The following MYO5B variants were observed in gnomAD, a reference collection of about 807,000 sequenced individuals.
MYO5B encodes myosin VB, also known as unconventional myosin-Vb.
In MYO5B, 143 loss-of-function variants were observed where a neutral mutation model predicts 229.3. That is an observed-to-expected ratio of 0.62 (90% CI 0.54 to 0.72). The LOEUF (loss-of-function observed/expected upper bound fraction) is 0.72, where lower values mean the gene tolerates loss of function less well. Ranked by LOEUF, MYO5B falls within the 30% of genes least tolerant of loss-of-function variation. The probability of loss-of-function intolerance (pLI) is 0.00; values close to 1 mark genes in which losing one functional copy is unlikely to be tolerated. For synonymous variants in MYO5B, 918 were observed against 885.2 expected, an observed-to-expected ratio of 1.04 and a Z score of -0.66; for missense variants, 2,321 against 2,331.0, an observed-to-expected ratio of 1.00 and a Z score of 0.09.
chr18:49,850,100 G>A (rs1270044990), intron 31 of MYO5B: 1 of 293,212 alleles, frequency 3.4e-6, no homozygotes, highest in Non-Finnish European at 6.6e-6. Context: ...GATTATCCAG[G>A]GCCCAGCGGC....
At chr18:50,140,253 A>C (rs12607904) in intron 1 of MYO5B, among the ~76,000 whole-genome samples, 52,941 of 152,112 alleles carry the variant, frequency 0.35, 9,839 homozygotes, top group Non-Finnish European at 0.43. Flanking sequence ...CCATTTTGGG[A>C]AAATGAATGA....
chr18:50,176,027 A>G (rs1421913172), intron 1 of MYO5B, among the ~76,000 whole-genome samples: 6 of 152,224 alleles, frequency 3.9e-5, no homozygotes, highest in Non-Finnish European at 7.3e-5. Flanking sequence ...TAAGTCCTGG[A>G]TCCCCAAGCC....
At chr18:50,101,214 C>T (rs929028072) in intron 1 of MYO5B, among the ~76,000 whole-genome samples, 2 of 152,110 alleles carry the variant, frequency 1.3e-5, no homozygotes, top group Non-Finnish European at 2.9e-5. Flanking sequence ...ATAATCATTC[C>T]GCAATGTATA....
chr18:49,951,562 AAC>A (rs1300880376), intron 14 of MYO5B, among the ~76,000 whole-genome samples: 2 of 152,222 alleles, frequency 1.3e-5, no homozygotes, highest in African/African-American at 4.8e-5. Flanking sequence ...GAGTGAATAT[AAC>A]AGAGTTTTCC....
At position 49,953,275 on chromosome 18, in the gene MYO5B, G is replaced by T. The variant is rs1369597474; in HGVS notation, c.1737C>A (p.Ile579=). ...CACTCTTTACCTTGCTGGCCTTCAG[G>T]ATATTGATCTGCTCTTCATACACCG... ...RDTVYEEQIN[I]LKASKFPLVA... is the part of the protein sequence containing the mutation. Residue 579 remains isoleucine (I), a synonymous_variant, in exon 14 of 40, where the codon ATC becomes ATA. Transcript: ENST00000285039. The T allele has an allele frequency of 6.2e-7, 1 of 1,614,046 alleles. No individual in the cohort carries two copies. The highest frequency in any genetic ancestry group is 1.1e-5 in the South Asian group (1 of 91,072).
At chr18:49,901,951 C>G (rs191665075) in intron 21 of MYO5B, among the ~76,000 whole-genome samples, 4 of 152,240 alleles carry the variant, frequency 2.6e-5, no homozygotes, top group Non-Finnish European at 5.9e-5. Flanking sequence ...ATACCCCACA[C>G]AGCAAGCCCT....
chr18:50,144,620 C>A (rs144296915), intron 1 of MYO5B, among the ~76,000 whole-genome samples: 3 of 152,136 alleles, frequency 2.0e-5, no homozygotes, highest in Non-Finnish European at 1.5e-5. Context: ...CCCCAAAAGA[C>A]CTTAGGGAAA....
chr18:49,947,357 G>A lies in MYO5B; in HGVS notation c.1752+5903C>T, dbSNP rs556356608. Among the ~76,000 whole-genome samples the A allele has an allele frequency of 5.1e-3, 773 of 151,928 alleles. 5 individuals carry two copies. The highest frequency in any genetic ancestry group is 0.013 in the South Asian group (63 of 4,802). ...CCTGACCTTGTGATCCGCCTGCCTT[G>A]GCCTCCCGAAGTGCTGGGATTACAG... On this transcript the variant is annotated intron_variant, in intron 14 of 39. Coordinates refer to ENST00000285039, the MANE Select transcript of MYO5B (RefSeq NM_001080467.3).
At chr18:50,109,207 C>T (rs1286281784) in intron 1 of MYO5B, among the ~76,000 whole-genome samples, 1 of 152,172 alleles carries the variant, frequency 6.6e-6, no homozygotes, top group Non-Finnish European at 1.5e-5. Flanking sequence ...TGAATCCCAG[C>T]CAAGACTAGA....
At chr18:49,868,050 G>A (rs1284131988) in intron 27 of MYO5B, among the ~76,000 whole-genome samples, 2 of 151,960 alleles carry the variant, frequency 1.3e-5, no homozygotes, top group East Asian at 1.9e-4. Context: ...TGGAAATCAT[G>A]TTTACAAAGA....
intron 1 of MYO5B, among the ~76,000 whole-genome samples, chr18:50,138,125 C>T (rs1162834619): frequency 6.6e-6 from 1 of 152,072 alleles, no homozygotes; most frequent in East Asian, 1.9e-4. Flanking sequence ...AAATATATAC[C>T]CGTGAACATA....
chr18:50,009,107 G>A (rs1263438916), intron 4 of MYO5B, among the ~76,000 whole-genome samples: 1 of 152,226 alleles, frequency 6.6e-6, no homozygotes, highest in Admixed American at 6.5e-5. Context: ...GCCGAGCGCA[G>A]TGGCTCACGT....
intron 1 of MYO5B, among the ~76,000 whole-genome samples, chr18:50,061,359 G>A (rs1296998308): frequency 6.6e-6 from 1 of 152,180 alleles, no homozygotes; most frequent in Non-Finnish European, 1.5e-5. Flanking sequence ...AGGCAATGAT[G>A]ATGATGATGG....
chr18:49,939,673 A>C (rs1381273297), intron 14 of MYO5B, among the ~76,000 whole-genome samples: 2 of 152,186 alleles, frequency 1.3e-5, no homozygotes, highest in Non-Finnish European at 2.9e-5. Flanking sequence ...CAGCTCTCAA[A>C]GGGCTGCTAG....
intron 1 of MYO5B, among the ~76,000 whole-genome samples, chr18:50,095,593 C>T (rs1255951452): frequency 6.6e-6 from 1 of 152,174 alleles, no homozygotes; most frequent in East Asian, 1.9e-4. Context: ...CACACCTAAG[C>T]CCAGCCCCAT....
intron 1 of MYO5B, among the ~76,000 whole-genome samples, chr18:50,159,690 G>A (rs59385562): frequency 0.018 from 2,723 of 152,110 alleles, 221 homozygotes; most frequent in Admixed American, 0.13. Context: ...TTGCCATCCC[G>A]CACCTCCAGG....
At chr18:49,879,450 T>C in intron 23 of MYO5B, 1 of 354,082 alleles carries the variant, frequency 2.8e-6, no homozygotes, top group Non-Finnish European at 5.4e-6. Flanking sequence ...TTCCTAGTCC[T>C]GATCTTTCAG....
At chr18:50,030,876 G>GAAAAAAAAAA (rs869189090) in intron 4 of MYO5B, among the ~76,000 whole-genome samples, 2 of 30,484 alleles carry the variant, frequency 6.6e-5, no homozygotes, top group Non-Finnish European at 1.2e-4. Context: ...CTCCCTTTCA[G>GAAAAAAAAAA]AAAAAAAAAA....
At position 50,100,628 on chromosome 18, in the gene MYO5B, T is replaced by C. The variant is rs189335998; in HGVS notation, c.28-45250A>G. On this transcript the variant is annotated intron_variant, in intron 1 of 39. Coordinates refer to ENST00000285039, the MANE Select transcript of MYO5B (RefSeq NM_001080467.3). Reference sequence around the variant, plus strand: ...CAGGGTCCAAGACATTACCTGGTACTAGCTGTTGCTCAGGCACAGTCACTG... The same window carrying C: ...CAGGGTCCAAGACATTACCTGGTACCAGCTGTTGCTCAGGCACAGTCACTG... 8.5e-5 allele frequency among the ~76,000 whole-genome samples: 13 copies of C among 152,334 alleles called. No homozygotes were observed. In the East Asian group the frequency reaches 2.5e-3, roughly 29 times the overall value.
Sources: allele counts gnomAD v4.1 joint callset (sites outside exome capture counted in the v4.1 genomes callset), GRCh38; gene constraint gnomAD v4.1.1; transcripts MANE v1.5; gene names NCBI Gene and HGNC (gene_info 2026-07-23, HGNC 2026-07-21).